Variants in TERB2 observed in about 807,000 individuals in gnomAD.
TERB2 encodes telomere repeat binding bouquet formation protein 2, also known as telomere repeats-binding bouquet formation protein 2.
TERB2 carries 26 observed loss-of-function variants against 29.8 expected under a neutral mutation model. That is an observed-to-expected ratio of 0.87 (90% CI 0.64 to 1.21). TERB2 has a LOEUF of 1.21. Among genes scored for constraint, TERB2 ranks in the 50% most tolerant of loss-of-function variants. TERB2 has a pLI of 0.00. For synonymous variants in TERB2, 80 were observed against 90.8 expected (o/e 0.88, Z 0.68); for missense variants, 240 against 268.6 (o/e 0.89, Z 0.74).
chr15:44,975,054 G>A (rs1367970084), intron 6 of TERB2, among the ~76,000 whole-genome samples: 1 of 152,092 alleles, frequency 6.6e-6, no homozygotes, highest in Non-Finnish European at 1.5e-5. Flanking sequence ...AGACATAACA[G>A]TATAACATAA....
chr15:44,964,471 C>T (rs1891854445), intron 4 of TERB2, among the ~76,000 whole-genome samples: 1 of 152,012 alleles, frequency 6.6e-6, no homozygotes, highest in African/African-American at 2.4e-5. Flanking sequence ...TAATTATTGA[C>T]TCTAGCAGAA....
chr15:44,965,568 T>A (rs1281905467), intron 4 of TERB2, among the ~76,000 whole-genome samples: 12 of 144,380 alleles, frequency 8.3e-5, no homozygotes, highest in Non-Finnish European at 1.4e-4. Flanking sequence ...TATATCTATA[T>A]ATTATATAAA....
intron 3 of TERB2, among the ~76,000 whole-genome samples, chr15:44,961,119 T>C (rs916294073): frequency 2.0e-5 from 3 of 150,360 alleles, no homozygotes; most frequent in Admixed American, 6.7e-5. Context: ...GATACAGATA[T>C]AGATATTGAT....
chr15:44,968,563 T>C (rs1891922004), intron 5 of TERB2, among the ~76,000 whole-genome samples: 1 of 150,566 alleles, frequency 6.6e-6, no homozygotes, highest in Non-Finnish European at 1.5e-5. Flanking sequence ...TGGCAGCATA[T>C]GGCATTTCAT....
intron 5 of TERB2, among the ~76,000 whole-genome samples, chr15:44,966,568 C>A (rs1032468185): frequency 6.6e-6 from 1 of 151,986 alleles, no homozygotes; most frequent in African/African-American, 2.4e-5. Flanking sequence ...ACTGTCTCTG[C>A]AGAAAGGAGA....
intron 5 of TERB2, among the ~76,000 whole-genome samples, chr15:44,972,530 T>G (rs905059119): frequency 2.0e-5 from 3 of 151,554 alleles, no homozygotes; most frequent in Admixed American, 6.6e-5. Flanking sequence ...TTTTTTTTTT[T>G]TTGAGACAGA....
rs1212181478 is a variant in TERB2, at chr15:44,965,096, G to T, written c.349-1062G>T. ...GAGAATTGCTTGAACTTGGGAGGCG[G>T]AGGTTGCAGTGAGCCGAGATTTTGC... is the stretch of plus-strand genomic sequence containing the variant. On this transcript the variant is annotated intron_variant, in intron 4 of 6. Coordinates refer to ENST00000340827, the MANE Select transcript of TERB2 (RefSeq NM_152448.3). Among the ~76,000 whole-genome samples the T allele has an allele frequency of 2.8e-5, 4 of 140,540 alleles. No homozygotes were observed. In the East Asian group the frequency reaches 8.4e-4, roughly 30 times the overall value. The allele number at this position is 140,540 out of a possible 152,430, so 92.2% of individuals were successfully genotyped here.
chr15:44,969,601 C>CAACAGAGAGAG (rs1324698931), intron 5 of TERB2, among the ~76,000 whole-genome samples: 1 of 150,376 alleles, frequency 6.6e-6, no homozygotes, highest in Non-Finnish European at 1.5e-5. Context: ...CCAGTCTGAG[C>CAACAGAGAGAG]AACAGAGAGA....
At chr15:44,960,767 G>C (rs1413495874) in intron 3 of TERB2, among the ~76,000 whole-genome samples, 3 of 152,036 alleles carry the variant, frequency 2.0e-5, no homozygotes, top group Non-Finnish European at 2.9e-5. Flanking sequence ...GACAGCAAAA[G>C]TCTAGAGTAA....
intron 5 of TERB2, chr15:44,971,190 A>C (rs962416790): frequency 6.6e-6 from 1 of 152,582 alleles, no homozygotes; most frequent in Admixed American, 6.5e-5. Flanking sequence ...GGCTACTTAG[A>C]GCCGCCACGG....
intron 2 of TERB2, 49 bp downstream of exon 2, chr15:44,957,026 G>A: frequency 6.4e-7 from 1 of 1,555,738 alleles, no homozygotes; most frequent in Middle Eastern, 1.7e-4. Context: ...TGAGCCGGGA[G>A]TTAGGGATGG....
At chr15:44,973,047 T>C (rs906489052) in intron 5 of TERB2, among the ~76,000 whole-genome samples, 2 of 151,236 alleles carry the variant, frequency 1.3e-5, no homozygotes, top group Non-Finnish European at 2.9e-5. Context: ...CACACCCAGC[T>C]GATTTGTATT....
At chr15:44,962,394 T>G (rs1891820221) in intron 4 of TERB2, among the ~76,000 whole-genome samples, 1 of 151,078 alleles carries the variant, frequency 6.6e-6, no homozygotes, top group Non-Finnish European at 1.5e-5. Flanking sequence ...TTTCACCGTG[T>G]TAGCCAGGAT....
chr15:44,977,098 A>AACACACACACACAC (rs373706136), intron 6 of TERB2, among the ~76,000 whole-genome samples: 3,394 of 148,814 alleles, frequency 0.023, 83 homozygotes, highest in South Asian at 0.083. Flanking sequence ...ACCCTGTCAA[A>AACACACACACACAC]ACACACACAC....
rs147999869 is a variant in TERB2 at position 44,956,971 on chromosome 15, C to T, written c.140C>T (p.Thr47Met). 3.8e-5 allele frequency: 61 copies of T among 1,613,184 alleles called. 1 individual carries two copies. The highest frequency in any genetic ancestry group is 3.4e-4 in the South Asian group (31 of 91,082). The change falls in exon 2 of 7, where the codon ACG becomes ATG. Residue 47 changes from threonine (T) to methionine (M), a missense_variant. Physicochemically the swap from Thr to Met is moderately conservative, Grantham distance 81 (BLOSUM62 -1). Transcript: ENST00000340827. The part of the protein sequence containing the change: ...LFSCDASHPD[T>M]LRIYQSLDYI... ...AGCTGTGATGCCTCGCACCCAGACA[C>T]GCTGAGGTACTGAGGGCGACCTGGC...
At chr15:44,959,257 T>A (rs1891766086) in intron 3 of TERB2, among the ~76,000 whole-genome samples, 1 of 152,180 alleles carries the variant, frequency 6.6e-6, no homozygotes, top group South Asian at 2.1e-4. Flanking sequence ...GGAAATAGGA[T>A]GGGGAAGTAA....
At chr15:44,963,178 C>T (rs1891833305) in intron 4 of TERB2, among the ~76,000 whole-genome samples, 1 of 152,160 alleles carries the variant, frequency 6.6e-6, no homozygotes, top group Non-Finnish European at 1.5e-5. Flanking sequence ...TTATCACCCA[C>T]AGATTGAATA....
At chr15:44,965,078 G>T (rs1891862207) in intron 4 of TERB2, among the ~76,000 whole-genome samples, 1 of 139,494 alleles carries the variant, frequency 7.2e-6, no homozygotes, top group African/African-American at 2.6e-5. Flanking sequence ...CAGGAGAATT[G>T]CTTGAACTTG....
intron 4 of TERB2, among the ~76,000 whole-genome samples, chr15:44,964,121 C>A (rs1194770966): frequency 2.0e-5 from 3 of 151,980 alleles, no homozygotes; most frequent in African/African-American, 7.2e-5. Context: ...TTGTACTATT[C>A]TTTAACTTTG....
Sources: gnomAD v4.1 joint callset for allele counts (sites outside exome capture counted in the v4.1 genomes callset) on GRCh38, gnomAD v4.1.1 for gene constraint, MANE v1.5 for transcripts, NCBI Gene and HGNC (gene_info 2026-07-23, HGNC 2026-07-21) for gene names.